Variants in LRMDA observed in about 807,000 individuals in gnomAD.
LRMDA encodes the protein leucine-rich melanocyte differentiation-associated protein.
A neutral mutation model predicts 29.8 loss-of-function variants in LRMDA; 18 were observed. The observed-to-expected ratio is 0.60, with a 90% CI of 0.42 to 0.90. LRMDA has a LOEUF of 0.90. LRMDA is among the 40% of genes least tolerant of loss of function. The probability of loss-of-function intolerance (pLI) is 0.00; values close to 1 mark genes in which losing one functional copy is unlikely to be tolerated. For synonymous variants in LRMDA, 125 were observed against 109.4 expected (o/e 1.14, Z -0.89); for missense variants, 273 against 273.9 (o/e 1.00, Z 0.02).
intron 6 of LRMDA, among the ~76,000 whole-genome samples, chr10:76,510,266 T>A (rs1331561575): frequency 1.3e-5 from 2 of 152,104 alleles, no homozygotes; most frequent in Non-Finnish European, 2.9e-5. Flanking sequence ...AAACGGGGTT[T>A]CACCAAGTTA....
At chr10:75,679,581 A>T (rs1842000449) in intron 2 of LRMDA, among the ~76,000 whole-genome samples, 1 of 152,206 alleles carries the variant, frequency 6.6e-6, no homozygotes, top group South Asian at 2.1e-4. Context: ...TGTGAGGATT[A>T]AACAAGAGAG....
At chr10:75,640,789 C>A (rs1004063392) in intron 2 of LRMDA, among the ~76,000 whole-genome samples, 7 of 151,970 alleles carry the variant, frequency 4.6e-5, no homozygotes, top group Non-Finnish European at 7.4e-5. Flanking sequence ...TTAAACAAAA[C>A]AAAACAAAAC....
intron 2 of LRMDA, among the ~76,000 whole-genome samples, chr10:75,933,441 T>C (rs1846236475): frequency 6.6e-6 from 1 of 152,220 alleles, no homozygotes; most frequent in Admixed American, 6.5e-5. Context: ...GGCTAAATTG[T>C]AGTCTTTGCA....
At chr10:76,205,587 G>A (rs372468266) in intron 5 of LRMDA, among the ~76,000 whole-genome samples, 8 of 152,146 alleles carry the variant, frequency 5.3e-5, no homozygotes, top group African/African-American at 1.9e-4. Context: ...GGGTGGGAAC[G>A]TTTGGAGAAT....
intron 2 of LRMDA, among the ~76,000 whole-genome samples, chr10:75,813,546 C>T (rs1032785927): frequency 3.3e-5 from 5 of 152,020 alleles, no homozygotes; most frequent in East Asian, 1.9e-4. Context: ...TCATTTTTTC[C>T]GAAAGAGTTT....
At chr10:75,717,415 G>A (rs1373138540) in intron 2 of LRMDA, among the ~76,000 whole-genome samples, 1 of 152,244 alleles carries the variant, frequency 6.6e-6, no homozygotes, top group East Asian at 1.9e-4. Flanking sequence ...TCCTGCAACA[G>A]AAGGCTTGAG....
intron 2 of LRMDA, among the ~76,000 whole-genome samples, chr10:76,005,854 CG>C (rs1334503465): frequency 8.6e-5 from 13 of 151,738 alleles, no homozygotes; most frequent in Admixed American, 8.5e-4. Context: ...GGCGTGAACC[CG>C]GGAGGCGGAG....
intron 5 of LRMDA, among the ~76,000 whole-genome samples, chr10:76,083,157 A>G (rs1174626958): frequency 6.6e-6 from 1 of 152,190 alleles, no homozygotes; most frequent in East Asian, 1.9e-4. Flanking sequence ...GAGATTGCAA[A>G]TGACTCACTT....
At chr10:76,359,994 GT>G (rs577715202) in intron 6 of LRMDA, among the ~76,000 whole-genome samples, 3 of 150,758 alleles carry the variant, frequency 2.0e-5, no homozygotes, top group African/African-American at 7.3e-5. Flanking sequence ...TTTTTCTTTT[GT>G]TTTTTTTTAT....
intron 5 of LRMDA, among the ~76,000 whole-genome samples, chr10:76,304,280 GA>G (rs1840521654): frequency 6.6e-6 from 1 of 152,194 alleles, no homozygotes; most frequent in South Asian, 2.1e-4. Context: ...AGACGCCACT[GA>G]ATGCATCTTA....
At chr10:75,875,555 T>C (rs1000608467) in intron 2 of LRMDA, among the ~76,000 whole-genome samples, 1 of 152,104 alleles carries the variant, frequency 6.6e-6, no homozygotes, top group Admixed American at 6.5e-5. Context: ...TGCCTCAGCC[T>C]CCAAGTAGCT....
rs996090774 is a variant in LRMDA, at chr10:76,557,733, C to T, written c.*445C>T. 1.2e-5 allele frequency: 2 copies of T among 165,818 alleles called. No individual in the cohort carries two copies. The highest frequency in any genetic ancestry group is 1.2e-4 in the Admixed American group (2 of 17,116). 10.3% of individuals were successfully genotyped at this position (165,818 alleles called of 1,614,324 possible). A position where few individuals can be genotyped will look rare whatever the true frequency, so the allele number is the denominator to read the frequency against. On this transcript the variant is annotated 3_prime_UTR_variant, in exon 7 of 7. Transcript: ENST00000611255. Reference sequence around the variant, plus strand: ...CCCTCTGATACCATCGTGCTGTGGGCTTATTTTTAGTGAAATAGTCACAGT... The same window carrying T: ...CCCTCTGATACCATCGTGCTGTGGGTTTATTTTTAGTGAAATAGTCACAGT...
intron 5 of LRMDA, among the ~76,000 whole-genome samples, chr10:76,119,182 G>A (rs895602897): frequency 6.6e-6 from 1 of 151,722 alleles, no homozygotes; most frequent in Non-Finnish European, 1.5e-5. Flanking sequence ...GGAGGCATTT[G>A]TTCATATTGA....
At chr10:75,613,551 A>G (rs1015581895) in intron 2 of LRMDA, among the ~76,000 whole-genome samples, 2 of 152,194 alleles carry the variant, frequency 1.3e-5, no homozygotes, top group African/African-American at 4.8e-5. Context: ...CTAGGTAAAG[A>G]AAACCAAGAG....
rs1554817070 is a variant in LRMDA, at chr10:76,379,161, T to TTTTGTG, written c.601+54677_601+54678insTTGTGT. ...CGTGAGCCACTGTGCCTGGCCTTCT[T>TTTTGTG]TGTGTGTGTGTGTGTGTGTGTGTGT... On this transcript the variant is annotated intron_variant, in intron 6 of 6. Coordinates refer to ENST00000611255, the MANE Select transcript of LRMDA (RefSeq NM_001305581.2). Among the ~76,000 whole-genome samples the TTTTGTG allele has an allele frequency of 3.6e-5, 5 of 137,856 alleles. No individual in the cohort carries two copies. The South Asian group carries it at 9.7e-4, about 27-fold the overall frequency. The allele number at this position is 137,856 out of a possible 152,430, so 90.4% of individuals were successfully genotyped here. A position where few individuals can be genotyped will look rare whatever the true frequency, so the allele number is the denominator to read the frequency against.
At chr10:75,812,108 ATTTTTTTTTTTTTTT>A (rs67846089) in intron 2 of LRMDA, among the ~76,000 whole-genome samples, 7 of 46,284 alleles carry the variant, frequency 1.5e-4, no homozygotes, top group East Asian at 1.0e-3. Context: ...TTTAATTGTG[ATTTTTTTTTTTTTTT>A]TTTTTTTTTT....
intron 6 of LRMDA, among the ~76,000 whole-genome samples, chr10:76,355,810 T>C (rs1194758714): frequency 6.6e-6 from 1 of 152,200 alleles, no homozygotes; most frequent in Non-Finnish European, 1.5e-5. Context: ...TGGGCCCAAA[T>C]TATTGGGTTA....
intron 6 of LRMDA, among the ~76,000 whole-genome samples, chr10:76,427,365 A>T (rs973351770): frequency 1.3e-5 from 2 of 152,026 alleles, no homozygotes; most frequent in African/African-American, 4.8e-5. Context: ...CTTTGAAGCA[A>T]TTGTGAATGG....
chr10:76,188,697 C>T (rs982122775), intron 5 of LRMDA, among the ~76,000 whole-genome samples: 4 of 151,746 alleles, frequency 2.6e-5, no homozygotes, highest in Admixed American at 6.6e-5. Context: ...AAGTTGTCTT[C>T]AAGCTCCTCT....
Sources: gnomAD v4.1 joint callset for allele counts (sites outside exome capture counted in the v4.1 genomes callset) on GRCh38, gnomAD v4.1.1 for gene constraint, MANE v1.5 for transcripts, NCBI Gene and HGNC (gene_info 2026-07-23, HGNC 2026-07-21) for gene names.